The following VWA3A variants were observed in gnomAD, a reference collection of about 807,000 sequenced individuals.
VWA3A encodes the protein von Willebrand factor A domain containing 3A.
In VWA3A, 134 loss-of-function variants were observed where a neutral mutation model predicts 160.4. The ratio of observed to expected loss-of-function variants is 0.84; its 90% confidence interval spans 0.73 to 0.96. The LOEUF is 0.96. Ranked by LOEUF, VWA3A falls within the 40% of genes least tolerant of loss-of-function variation. The pLI is 0.00. For missense variants in VWA3A, 1,310 were observed against 1,447.9 expected, an observed-to-expected ratio of 0.90 and a Z score of 1.55; for synonymous variants, 476 against 543.4, an observed-to-expected ratio of 0.88 and a Z score of 1.72.
At chr16:22,116,969 C>A in intron 10 of VWA3A, 102 bp downstream of exon 10, 2 of 1,401,850 alleles carry the variant, frequency 1.4e-6, no homozygotes, top group East Asian at 2.4e-5. Flanking sequence ...AGCTGTGGAC[C>A]AGAATGCACC....
intron 1 of VWA3A, among the ~76,000 whole-genome samples, chr16:22,095,599 C>T (rs2141822493): frequency 6.6e-6 from 1 of 152,206 alleles, no homozygotes; most frequent in South Asian, 2.1e-4. Context: ...CCTCTATTGC[C>T]CAGGATTGAG....
chr16:22,119,172 T>C (rs1042118761), intron 12 of VWA3A, 145 bp downstream of exon 12: 1 of 915,260 alleles, frequency 1.1e-6, no homozygotes, highest in Non-Finnish European at 1.5e-6. Flanking sequence ...CCACCCTCCA[T>C]TGCACCCCAG....
Position 22,147,447 on chromosome 16 carries a change from G to C in VWA3A, c.2840-715G>C, listed in dbSNP as rs2046273326. The C allele has an allele frequency of 4.7e-6, 3 of 635,374 alleles. No homozygotes were observed. The South Asian group carries it at 5.3e-5, about 11-fold the overall frequency. 39.4% of individuals were successfully genotyped at this position (635,374 alleles called of 1,614,324 possible). ...CAGACAGCTAGAACTGGACAGGAGG[G>C]GATTCGGGCTATGGGGCCTGGAGGG... On this transcript the variant is annotated intron_variant, in intron 27 of 33. Coordinates refer to ENST00000389398, the MANE Select transcript of VWA3A (RefSeq NM_173615.5).
chr16:22,097,485 G>T (rs980235336), intron 2 of VWA3A, 87 bp from the exon 3 acceptor site: 1 of 1,488,850 alleles, frequency 6.7e-7, no homozygotes. Flanking sequence ...AATCCTTGTA[G>T]GGACTAGGGC....
At chr16:22,148,438 T>A in intron 28 of VWA3A, 132 bp downstream of exon 28, 1 of 1,277,188 alleles carries the variant, frequency 7.8e-7, no homozygotes, top group South Asian at 1.6e-5. Flanking sequence ...CGCGTTTGAG[T>A]AGGAAAGAGC....
chr16:22,129,402 A>AGAAAG (rs386364808), intron 17 of VWA3A, among the ~76,000 whole-genome samples: 6,053 of 118,376 alleles, frequency 0.051, 339 homozygotes, highest in East Asian at 0.32. Flanking sequence ...AAAAAAAAAA[A>AGAAAG]AAAGAAAGAA....
In VWA3A at chr16:22,096,844, T is replaced by C. The variant is rs888039235; in HGVS notation, c.15-15T>C. On this transcript the variant is annotated splice_polypyrimidine_tract_variant and intron_variant, in intron 1 of 33. Transcript: ENST00000389398. The stretch of plus-strand genomic sequence containing the variant: ...CCACATTTATCCTGTTTTCTGGTAT[T>C]CTTTTCTTCTTTAGGAAAATAAGCA... 1 of 1,503,180 alleles carries C rather than the reference T, an allele frequency of 6.7e-7. No homozygotes were observed. Among genetic ancestry groups the C allele is most frequent in the Middle Eastern group, 1.7e-4 (1 of 5,902 alleles). 93.1% of individuals were successfully genotyped at this position (1,503,180 alleles called of 1,614,324 possible).
Position 22,120,991 on chromosome 16 carries a change from G to A in VWA3A, c.1140G>A (p.Gly380=), listed in dbSNP as rs1248623809. 2.5e-6 allele frequency: 4 copies of A among 1,613,936 alleles called. No individual in the cohort carries two copies. Among genetic ancestry groups the A allele is most frequent in the Non-Finnish European group, 3.4e-6 (4 of 1,179,882 alleles). Residue 380 remains glycine (G), a synonymous_variant, in exon 13 of 34, where the codon GGG becomes GGA. Coordinates refer to ENST00000389398, the MANE Select transcript of VWA3A (RefSeq NM_173615.5). ...MEEISTEITN[G]PLISLLPKPP... ...AGATTTCCACAGAGATTACAAATGG[G>A]CCACTCATAAGCCTCTTGCCTAAAC... is the stretch of plus-strand genomic sequence containing the variant.
In VWA3A at chr16:22,123,179, T is replaced by C; in HGVS notation, c.1437+14T>C. 6.3e-7 allele frequency: 1 copy of C among 1,588,702 alleles called. No homozygotes were observed. Among genetic ancestry groups the C allele is most frequent in the Non-Finnish European group, 8.6e-7 (1 of 1,166,258 alleles). ...TATAAGTACCAGGTCAGTGATGGGTTCAATCAGTCAGAAAATGGGGTGCAG... is the reference window on the plus strand; with the variant it reads ...TATAAGTACCAGGTCAGTGATGGGTCCAATCAGTCAGAAAATGGGGTGCAG... On this transcript the variant is annotated intron_variant, in intron 15 of 33. Coordinates refer to ENST00000389398, the MANE Select transcript of VWA3A (RefSeq NM_173615.5).
chr16:22,133,649 C>CAAAA (rs1230000179), intron 20 of VWA3A, among the ~76,000 whole-genome samples: 11 of 81,902 alleles, frequency 1.3e-4, no homozygotes, highest in South Asian at 3.9e-4. Context: ...AACTCTGTCT[C>CAAAA]AAAAAAAAAA....
At chr16:22,143,174 C>T (rs2046184885) in intron 25 of VWA3A, among the ~76,000 whole-genome samples, 1 of 149,210 alleles carries the variant, frequency 6.7e-6, no homozygotes, top group Admixed American at 6.7e-5. Context: ...AAAGGACAAA[C>T]CTGATAAGAA....
intron 30 of VWA3A, among the ~76,000 whole-genome samples, chr16:22,151,763 C>T (rs1253544339): frequency 1.3e-5 from 2 of 151,124 alleles, no homozygotes; most frequent in Non-Finnish European, 3.0e-5. Context: ...ATACTCAGCT[C>T]CTTCAAAAAA....
At chr16:22,097,332 G>A (rs1273106512) in intron 2 of VWA3A, among the ~76,000 whole-genome samples, 1 of 152,110 alleles carries the variant, frequency 6.6e-6, no homozygotes, top group Admixed American at 6.5e-5. Context: ...GGTGAGACTG[G>A]GTAAATGGTC....
intron 5 of VWA3A, 131 bp downstream of exon 5, chr16:22,100,624 C>G (rs957395030): frequency 3.6e-6 from 3 of 844,288 alleles, no homozygotes; most frequent in African/African-American, 1.7e-5. Flanking sequence ...CACTTGAGGT[C>G]AAGAGTTTGA....
intron 26 of VWA3A, among the ~76,000 whole-genome samples, chr16:22,144,870 C>T (rs537564038): frequency 4.6e-5 from 7 of 152,094 alleles, no homozygotes; most frequent in Non-Finnish European, 7.4e-5. Context: ...GCCGTGATCA[C>T]GCCACTGCAC....
At chr16:22,121,179 C>T (rs1311432230) in intron 13 of VWA3A, 76 bp downstream of exon 13, 8 of 1,596,562 alleles carry the variant, frequency 5.0e-6, no homozygotes, top group Non-Finnish European at 6.8e-6. Flanking sequence ...GGCACAGTGG[C>T]TCACACCTGC....
At chr16:22,146,692 G>A (rs1043116717) in intron 27 of VWA3A, among the ~76,000 whole-genome samples, 4 of 151,658 alleles carry the variant, frequency 2.6e-5, no homozygotes, top group African/African-American at 9.7e-5. Context: ...GCTGAGGCAG[G>A]AAAATCGCAG....
intron 8 of VWA3A, among the ~76,000 whole-genome samples, chr16:22,112,292 G>A (rs2045563770): frequency 1.3e-5 from 2 of 152,284 alleles, no homozygotes; most frequent in South Asian, 4.1e-4. Context: ...ATAGATGATT[G>A]TATTTAGTAT....
chr16:22,156,034 A>G lies in VWA3A; in HGVS notation c.*17A>G. 1 of 1,162,452 alleles carries G rather than the reference A, an allele frequency of 8.6e-7. No homozygotes were observed. The highest frequency in any genetic ancestry group is 1.2e-6 in the Non-Finnish European group (1 of 819,228). The allele number at this position is 1,162,452 out of a possible 1,614,324, so 72.0% of individuals were successfully genotyped here. ...AAAATAATGATTCCTCTAAACAGAAAAGTCATCCTGCAAAGGACCACTCAC... is the reference window on the plus strand; with the variant it reads ...AAAATAATGATTCCTCTAAACAGAAGAGTCATCCTGCAAAGGACCACTCAC... On this transcript the variant is annotated splice_region_variant and 3_prime_UTR_variant, in exon 34 of 34. Coordinates refer to ENST00000389398, the MANE Select transcript of VWA3A (RefSeq NM_173615.5).
Sources: gnomAD v4.1 joint callset for allele counts (sites outside exome capture counted in the v4.1 genomes callset) on GRCh38, gnomAD v4.1.1 for gene constraint, MANE v1.5 for transcripts, NCBI Gene and HGNC (gene_info 2026-07-23, HGNC 2026-07-21) for gene names.